TRPC4: variants seen among roughly 807,000 people sequenced by gnomAD.
TRPC4 encodes the protein transient receptor potential cation channel subfamily C member 4, also known as short transient receptor potential channel 4.
In TRPC4, 49 loss-of-function variants were observed where a neutral mutation model predicts 99.4. The ratio of observed to expected loss-of-function variants is 0.49; its 90% CI spans 0.39 to 0.63. The LOEUF is 0.63. Among genes scored for constraint, TRPC4 ranks in the 20% least tolerant of loss-of-function variants. The pLI, the probability that TRPC4 is intolerant of heterozygous loss-of-function variation, is 0.00. For synonymous variants in TRPC4, 454 were observed against 425.9 expected, an observed-to-expected ratio of 1.07 and a Z score of -0.81; for missense variants, 898 against 1,152.9, an observed-to-expected ratio of 0.78 and a Z score of 3.20.
At chr13:37,676,567 G>A (rs1016470430) in intron 4 of TRPC4, among the ~76,000 whole-genome samples, 1 of 151,898 alleles carries the variant, frequency 6.6e-6, no homozygotes, top group Non-Finnish European at 1.5e-5. Context: ...GAGACGGGGT[G>A]TCATCATGTT....
At chr13:37,644,907 G>C (rs1566063874) in intron 8 of TRPC4, among the ~76,000 whole-genome samples, 1 of 148,886 alleles carries the variant, frequency 6.7e-6, no homozygotes, top group Non-Finnish European at 1.5e-5. Context: ...GAAATTTCTG[G>C]AACTTGCATT....
At chr13:37,717,826 C>T (rs933159533) in intron 3 of TRPC4, among the ~76,000 whole-genome samples, 16 of 151,846 alleles carry the variant, frequency 1.1e-4, no homozygotes, top group South Asian at 4.2e-4. Context: ...TAGACCAACC[C>T]CCCCGAAAAG....
chr13:37,637,578 T>C lies in TRPC4; in HGVS notation c.2259A>G (p.Leu753=). The C allele has an allele frequency of 6.2e-7, 1 of 1,610,638 alleles. No individual in the cohort carries two copies. The highest frequency in any genetic ancestry group is 8.5e-7 in the Non-Finnish European group (1 of 1,178,926). ...ISSFRFEVLG[L]LRGSKLSTIQ... ...TTGTGGAAAGTTTGCTTCCTCTTAG[T>C]AATCCCAGGACTTCAAAGCGGAAAC... Residue 753 remains leucine (L), a synonymous_variant, in exon 11 of 11, where the codon TTA becomes TTG. Coordinates refer to ENST00000379705, the MANE Select transcript of TRPC4 (RefSeq NM_016179.4).
intron 3 of TRPC4, among the ~76,000 whole-genome samples, chr13:37,732,211 A>C (rs1955259146): frequency 6.6e-6 from 1 of 152,142 alleles, no homozygotes; most frequent in Non-Finnish European, 1.5e-5. Context: ...ATAATGTGGT[A>C]AATGTACATG....
intron 4 of TRPC4, among the ~76,000 whole-genome samples, chr13:37,683,974 A>G (rs1050898314): frequency 1.3e-5 from 2 of 152,222 alleles, no homozygotes; most frequent in Non-Finnish European, 2.9e-5. Flanking sequence ...CAAGGAAAGG[A>G]TATTTGATAT....
intron 3 of TRPC4, among the ~76,000 whole-genome samples, chr13:37,728,197 T>A (rs547679313): frequency 7.4e-6 from 1 of 134,238 alleles, no homozygotes; most frequent in African/African-American, 2.5e-5. Flanking sequence ...ACAGAGCAAT[T>A]ATGTGAAAAA....
chr13:37,720,217 AG>A (rs1394685021), intron 3 of TRPC4, among the ~76,000 whole-genome samples: 1 of 152,206 alleles, frequency 6.6e-6, no homozygotes, highest in Non-Finnish European at 1.5e-5. Flanking sequence ...AAAATAATAA[AG>A]TTGTGTTGCT....
At chr13:37,648,560 G>T (rs935182755) in intron 8 of TRPC4, among the ~76,000 whole-genome samples, 22 of 151,392 alleles carry the variant, frequency 1.5e-4, no homozygotes, top group African/African-American at 5.1e-4. Flanking sequence ...AAAAAAAAAA[G>T]GAATGGTTTG....
At chr13:37,676,983 T>A (rs763296594) in intron 4 of TRPC4, among the ~76,000 whole-genome samples, 8 of 151,776 alleles carry the variant, frequency 5.3e-5, no homozygotes, top group Admixed American at 3.3e-4. Flanking sequence ...AAAAGTTTTC[T>A]AACATATAAT....
chr13:37,784,049 G>A (rs563474319), intron 1 of TRPC4, among the ~76,000 whole-genome samples: 2 of 151,990 alleles, frequency 1.3e-5, no homozygotes, highest in Admixed American at 6.6e-5. Flanking sequence ...CAAAGTTAAT[G>A]TAAATTAACA....
intron 2 of TRPC4, among the ~76,000 whole-genome samples, chr13:37,761,987 A>G (rs185313350): frequency 6.6e-6 from 1 of 152,008 alleles, no homozygotes; most frequent in African/African-American, 2.4e-5. Context: ...ACAATTAAAT[A>G]TTATTTGTAT....
At chr13:37,821,985 TCACACAGGAAAAGAAA>T (rs901175160) in intron 1 of TRPC4, among the ~76,000 whole-genome samples, 3 of 151,858 alleles carry the variant, frequency 2.0e-5, no homozygotes, top group African/African-American at 7.2e-5. Context: ...CCAAAGAACT[TCACACAGGAAAAGAAA>T]CTATTAACAG....
In TRPC4 at chr13:37,800,778, C is replaced by T. The variant is rs2139430009; in HGVS notation, c.-27-17418G>A. 2.0e-5 allele frequency among the ~76,000 whole-genome samples: 3 copies of T among 151,606 alleles called. No homozygotes were observed. In the South Asian group the frequency reaches 6.3e-4, roughly 32 times the overall value. ...TAGCTAAAATATAAACTGATATAAA[C>T]CATAAAATTATGAATACAATATTGA... On this transcript the variant is annotated intron_variant, in intron 1 of 10. Coordinates refer to ENST00000379705, the MANE Select transcript of TRPC4 (RefSeq NM_016179.4).
chr13:37,802,538 A>G (rs1175441413), intron 1 of TRPC4, among the ~76,000 whole-genome samples: 1 of 152,096 alleles, frequency 6.6e-6, no homozygotes, highest in Non-Finnish European at 1.5e-5. Context: ...ACAGTCCCAC[A>G]GAAGTGATGT....
chr13:37,663,876 A>G, intron 5 of TRPC4, 147 bp from the exon 6 acceptor site: 1 of 674,300 alleles, frequency 1.5e-6, no homozygotes, highest in Non-Finnish European at 2.5e-6. Context: ...TGCCAATTCT[A>G]GAGGAACACA....
intron 2 of TRPC4, among the ~76,000 whole-genome samples, chr13:37,775,327 A>G (rs559787131): frequency 6.6e-6 from 1 of 151,876 alleles, no homozygotes. Context: ...AATGCTAGGC[A>G]TAGAACCTGG....
intron 1 of TRPC4, among the ~76,000 whole-genome samples, chr13:37,804,654 T>C (rs1957484691): frequency 6.6e-6 from 1 of 152,100 alleles, no homozygotes. Context: ...GTAAATAAGA[T>C]TAATTTGGTA....
chr13:37,825,016 G>A (rs9576377), intron 1 of TRPC4, among the ~76,000 whole-genome samples: 42,809 of 150,572 alleles, frequency 0.28, 6,272 homozygotes, highest in East Asian at 0.42. Context: ...TGTATGTGTC[G>A]GGGAATTTAT....
At chr13:37,729,248 G>C (rs1428266364) in intron 3 of TRPC4, among the ~76,000 whole-genome samples, 1 of 152,032 alleles carries the variant, frequency 6.6e-6, no homozygotes, top group Non-Finnish European at 1.5e-5. Context: ...CATTGCTCAT[G>C]AGGGAAATGC....
Sources: allele counts gnomAD v4.1 joint callset (sites outside exome capture counted in the v4.1 genomes callset), GRCh38; gene constraint gnomAD v4.1.1; transcripts MANE v1.5; gene names NCBI Gene and HGNC (gene_info 2026-07-23, HGNC 2026-07-21).